HNF4G: variants seen among roughly 807,000 people sequenced by gnomAD.
HNF4G encodes hepatocyte nuclear factor 4-gamma.
HNF4G carries 21 observed loss-of-function variants against 50.9 expected under a neutral mutation model. The observed-to-expected ratio is 0.41, with a 90% CI of 0.29 to 0.59. The LOEUF is 0.59. HNF4G is among the 20% of genes least tolerant of loss of function. The pLI is 0.26. For missense variants in HNF4G, 527 were observed against 559.4 expected, an observed-to-expected ratio of 0.94 and a Z score of 0.58; for synonymous variants, 198 against 185.6, an observed-to-expected ratio of 1.07 and a Z score of -0.54.
rs186826989 is a variant in HNF4G, at chr8:75,477,671, T to C, written c.-143-12418T>C. 2.0e-5 allele frequency among the ~76,000 whole-genome samples: 3 copies of C among 151,920 alleles called. No homozygotes were observed. In the East Asian group the frequency reaches 5.8e-4, roughly 29 times the overall value. On this transcript the variant is annotated intron_variant, in intron 1 of 10. Coordinates refer to the HNF4G transcript ENST00000354370. ...TTAAAAATATATATATAAATATATATTTTAAAAAGTTCTCTGCCGGGCGTG... is the reference window on the plus strand; with the variant it reads ...TTAAAAATATATATATAAATATATACTTTAAAAAGTTCTCTGCCGGGCGTG...
chr8:75,530,907 C>T (rs1405961183), intron 2 of HNF4G, among the ~76,000 whole-genome samples: 1 of 151,772 alleles, frequency 6.6e-6, no homozygotes, highest in Non-Finnish European at 1.5e-5. Context: ...ATTCTCCCAC[C>T]TCAGCCTCCC....
At chr8:75,480,144 A>C (rs1207238416) in intron 1 of HNF4G, among the ~76,000 whole-genome samples, 1 of 152,204 alleles carries the variant, frequency 6.6e-6, no homozygotes, top group Non-Finnish European at 1.5e-5. Flanking sequence ...TATTAATGTA[A>C]ATTTTAAAAA....
At chr8:75,431,754 C>T (rs1811021625) in intron 1 of HNF4G, among the ~76,000 whole-genome samples, 2 of 151,882 alleles carry the variant, frequency 1.3e-5, no homozygotes, top group Non-Finnish European at 2.9e-5. Flanking sequence ...GGTGAAACCC[C>T]ATCTCTACTA....
chr8:75,469,947 G>A (rs1186254595), intron 1 of HNF4G, among the ~76,000 whole-genome samples: 1 of 152,066 alleles, frequency 6.6e-6, no homozygotes, highest in East Asian at 1.9e-4. Flanking sequence ...AGTGTCCCCT[G>A]TTTAAAGGGC....
chr8:75,471,871 G>A (rs2130634400), intron 1 of HNF4G, among the ~76,000 whole-genome samples: 1 of 152,248 alleles, frequency 6.6e-6, no homozygotes, highest in East Asian at 1.9e-4. Flanking sequence ...ATTCATGTTA[G>A]CTTCTTTTAA....
intron 2 of HNF4G, among the ~76,000 whole-genome samples, chr8:75,495,174 C>A (rs1341906829): frequency 6.6e-6 from 1 of 152,152 alleles, no homozygotes; most frequent in Non-Finnish European, 1.5e-5. Flanking sequence ...AAACTAGTAT[C>A]CTCCTACTCT....
At chr8:75,531,252 G>A (rs553832697) in intron 2 of HNF4G, among the ~76,000 whole-genome samples, 8 of 152,242 alleles carry the variant, frequency 5.3e-5, no homozygotes, top group Admixed American at 4.6e-4. Flanking sequence ...CTCTCTTGAT[G>A]AAGAAATGTT....
chr8:75,545,441 G>T lies in HNF4G; in HGVS notation c.287+1462G>T, dbSNP rs140438334. On this transcript the variant is annotated intron_variant, in intron 2 of 9. Transcript: ENST00000396423. ...TAACAACAGATAGAGTTTAACTCCT[G>T]CACCTTCCTATTAAGAATGCTACTG... Among the ~76,000 whole-genome samples, 1,289 of 152,142 alleles carry T rather than the reference G, an allele frequency of 8.5e-3. 12 individuals carry two copies. The highest frequency in any genetic ancestry group is 0.028 in the African/African-American group (1,161 of 41,508).
chr8:75,440,476 G>A (rs1811252252), intron 1 of HNF4G, among the ~76,000 whole-genome samples: 1 of 152,128 alleles, frequency 6.6e-6, no homozygotes, highest in Non-Finnish European at 1.5e-5. Context: ...AATTGTTTAT[G>A]TTTAAATAGG....
At chr8:75,499,529 G>T (rs577130702) in intron 2 of HNF4G, among the ~76,000 whole-genome samples, 1 of 151,774 alleles carries the variant, frequency 6.6e-6, no homozygotes, top group Non-Finnish European at 1.5e-5. Context: ...TTGACAAGCT[G>T]ATAATAAAGT....
At chr8:75,489,062 G>A (rs1251329161) in intron 1 of HNF4G, among the ~76,000 whole-genome samples, 1 of 152,118 alleles carries the variant, frequency 6.6e-6, no homozygotes, top group East Asian at 1.9e-4. Flanking sequence ...ATATGGAGGT[G>A]GCTGAATTCC....
chr8:75,504,517 T>C (rs1360104618), intron 2 of HNF4G, among the ~76,000 whole-genome samples: 1 of 152,026 alleles, frequency 6.6e-6, no homozygotes, highest in Non-Finnish European at 1.5e-5. Flanking sequence ...CATATACATA[T>C]ACTTTTTGGG....
At chr8:75,440,632 G>A (rs1306970148) in intron 1 of HNF4G, among the ~76,000 whole-genome samples, 1 of 151,876 alleles carries the variant, frequency 6.6e-6, no homozygotes, top group Non-Finnish European at 1.5e-5. Flanking sequence ...GGTATACCTT[G>A]TCCTGACCAA....
At chr8:75,560,102 G>A (rs910478693) in intron 8 of HNF4G, among the ~76,000 whole-genome samples, 4 of 152,058 alleles carry the variant, frequency 2.6e-5, no homozygotes, top group Admixed American at 2.0e-4. Flanking sequence ...TCCAGGAAAC[G>A]GCACACAAGG....
At chr8:75,467,878 G>T (rs540217811) in intron 1 of HNF4G, among the ~76,000 whole-genome samples, 183 of 152,178 alleles carry the variant, frequency 1.2e-3, no homozygotes, top group African/African-American at 4.1e-3. Context: ...TGAGTTGCTA[G>T]GACGGACTTA....
At chr8:75,535,941 G>C (rs987887795), upstream of HNF4G, among the ~76,000 whole-genome samples, 3 of 151,806 alleles carry the variant, frequency 2.0e-5, no homozygotes, top group African/African-American at 7.2e-5. Flanking sequence ...TTGTTATGTT[G>C]CTCTAAAGAA....
intron 2 of HNF4G, among the ~76,000 whole-genome samples, chr8:75,510,903 C>T (rs1805733608): frequency 6.6e-6 from 1 of 152,068 alleles, no homozygotes; most frequent in Non-Finnish European, 1.5e-5. Flanking sequence ...GGTATTTCTT[C>T]ATATTCCTCA....
chr8:75,434,516 A>G (rs1328189323), intron 1 of HNF4G, among the ~76,000 whole-genome samples: 1 of 152,182 alleles, frequency 6.6e-6, no homozygotes, highest in Non-Finnish European at 1.5e-5. Flanking sequence ...CAGAACAACA[A>G]AATAAACACA....
At chr8:75,464,120 C>A (rs1215382636) in intron 1 of HNF4G, among the ~76,000 whole-genome samples, 2 of 152,018 alleles carry the variant, frequency 1.3e-5, no homozygotes, top group Non-Finnish European at 2.9e-5. Flanking sequence ...TGCCAAACCA[C>A]AAATATTATT....
Sources: gnomAD v4.1 joint callset for allele counts (sites outside exome capture counted in the v4.1 genomes callset) on GRCh38, gnomAD v4.1.1 for gene constraint, MANE v1.5 for transcripts, NCBI Gene and HGNC (gene_info 2026-07-23, HGNC 2026-07-21) for gene names.